CATSPERE: variants seen among roughly 807,000 people sequenced by gnomAD.
CATSPERE encodes cation channel sperm-associated auxiliary subunit epsilon.
CATSPERE carries 93 observed loss-of-function variants against 114.1 expected under a neutral mutation model. That is an observed-to-expected ratio of 0.81 (90% CI 0.69 to 0.97). The LOEUF (loss-of-function observed/expected upper bound fraction) is 0.97. Ranked by LOEUF, CATSPERE falls within the 50% of genes least tolerant of loss-of-function variation. CATSPERE has a pLI of 0.00. For missense variants in CATSPERE, 1,058 were observed against 1,131.6 expected (o/e 0.93, Z 0.93); for synonymous variants, 341 against 384.1 (o/e 0.89, Z 1.31).
chr1:244,499,357 A>G (rs374999044), intron 7 of CATSPERE, among the ~76,000 whole-genome samples: 5 of 152,076 alleles, frequency 3.3e-5, no homozygotes, highest in Admixed American at 6.5e-5. Flanking sequence ...CTAAGTTCAG[A>G]GATATATGTA....
intron 5 of CATSPERE, among the ~76,000 whole-genome samples, chr1:244,483,321 G>C (rs1464372135): frequency 2.0e-5 from 3 of 152,174 alleles, no homozygotes; most frequent in African/African-American, 7.2e-5. Context: ...GCATATAAAT[G>C]AAGGTTTCTC....
chr1:244,616,411 C>T (rs1671403945), intron 19 of CATSPERE, among the ~76,000 whole-genome samples: 1 of 152,130 alleles, frequency 6.6e-6, no homozygotes, highest in Admixed American at 6.5e-5. Context: ...TTTCTGAGTA[C>T]ATTTTGTGCT....
At chr1:244,574,819 T>C (rs989033621) in intron 11 of CATSPERE, among the ~76,000 whole-genome samples, 2 of 152,234 alleles carry the variant, frequency 1.3e-5, no homozygotes, top group Admixed American at 1.3e-4. Flanking sequence ...TTTAATAGTT[T>C]TATATTCAGG....
rs1304807819 is a variant in CATSPERE at position 244,640,062 on chromosome 1, GAA to G, written c.2840_2841del (p.Lys947ThrfsTer2). The stretch of plus-strand genomic sequence containing the variant: ...TATGAACCACTTCACAAACCTCAAA[GAA>G]AACGTAAGAAGAATTAGGAAAACTG... On this transcript the variant is annotated frameshift_variant, in exon 22 of 22. Coordinates refer to ENST00000366534, the MANE Select transcript of CATSPERE (RefSeq NM_001130957.2). LOFTEE classifies it high-confidence loss of function. 1 of 1,548,338 alleles carries G rather than the reference GAA, an allele frequency of 6.5e-7. No individual in the cohort carries two copies. The highest frequency in any genetic ancestry group is 1.2e-5 in the South Asian group (1 of 83,512).
At chr1:244,502,987 G>T (rs1442823018) in intron 7 of CATSPERE, among the ~76,000 whole-genome samples, 1 of 152,154 alleles carries the variant, frequency 6.6e-6, no homozygotes, top group Non-Finnish European at 1.5e-5. Context: ...GTGCAGAATA[G>T]GTTTCCACGG....
intron 8 of CATSPERE, among the ~76,000 whole-genome samples, chr1:244,520,717 C>T (rs907253065): frequency 9.9e-5 from 15 of 152,128 alleles, no homozygotes; most frequent in Admixed American, 9.2e-4. Flanking sequence ...CCGTACATAT[C>T]CCTAGGAAGG....
intron 10 of CATSPERE, among the ~76,000 whole-genome samples, chr1:244,564,904 T>G (rs146555857): frequency 0.014 from 2,129 of 152,296 alleles, 22 homozygotes; most frequent in Middle Eastern, 0.027. Flanking sequence ...TAGCTTTTAT[T>G]ATTTTGAGAC....
intron 20 of CATSPERE, among the ~76,000 whole-genome samples, chr1:244,632,420 A>G (rs1330667626): frequency 2.0e-5 from 3 of 151,666 alleles, no homozygotes; most frequent in African/African-American, 4.8e-5. Flanking sequence ...TGAAAAAGAA[A>G]AAGAAAAGAA....
At chr1:244,473,023 A>C (rs1668736258) in intron 2 of CATSPERE, among the ~76,000 whole-genome samples, 1 of 152,222 alleles carries the variant, frequency 6.6e-6, no homozygotes, top group South Asian at 2.1e-4. Flanking sequence ...CCATTCACCT[A>C]GTGAAAGATA....
At chr1:244,604,453 T>A (rs1669706120) in intron 17 of CATSPERE, among the ~76,000 whole-genome samples, 1 of 152,232 alleles carries the variant, frequency 6.6e-6, no homozygotes, top group Non-Finnish European at 1.5e-5. Context: ...GTAGCAGACC[T>A]AGAAGGCCAG....
chr1:244,553,600 A>AAACACACACAC (rs1553356088), intron 9 of CATSPERE, among the ~76,000 whole-genome samples: 1 of 32,578 alleles, frequency 3.1e-5, no homozygotes, highest in Non-Finnish European at 6.1e-5. Flanking sequence ...AAAAAAAAAA[A>AAACACACACAC]ATACACACAC....
rs1328617102 is a variant in CATSPERE at position 244,607,950 on chromosome 1, TA to T, written c.2403+2163del. On this transcript the variant is annotated intron_variant, in intron 18 of 21. Coordinates refer to ENST00000366534, the MANE Select transcript of CATSPERE (RefSeq NM_001130957.2). This position sits in a 1 kb window ranked among gnomAD's most constrained non-coding sequence, Gnocchi z 4.4. ...GGTGAAACCCCATATCTCCTAAAAA[TA>T]AAAAAATTAGCTGGGCATGCTGGCA... Among the ~76,000 whole-genome samples, 1 of 151,442 alleles carries T rather than the reference TA, an allele frequency of 6.6e-6. No homozygotes were observed. Among genetic ancestry groups the T allele is most frequent in the Non-Finnish European group, 1.5e-5 (1 of 67,878 alleles).
At chr1:244,552,872 C>CTTTTTA in intron 9 of CATSPERE, 58 bp downstream of exon 9, 1 of 912,646 alleles carries the variant, frequency 1.1e-6, no homozygotes, top group Non-Finnish European at 1.4e-6. Flanking sequence ...AAGGTATTTA[C>CTTTTTA]CATACCATTT....
At chr1:244,589,707 C>T (rs1667473569) in intron 14 of CATSPERE, among the ~76,000 whole-genome samples, 1 of 152,192 alleles carries the variant, frequency 6.6e-6, no homozygotes, top group African/African-American at 2.4e-5. Flanking sequence ...GTTCCCAGTA[C>T]CGCTGCATGC....
chr1:244,557,700 C>T (rs1661871578), intron 9 of CATSPERE, among the ~76,000 whole-genome samples: 1 of 149,536 alleles, frequency 6.7e-6, no homozygotes, highest in Non-Finnish European at 1.5e-5. Context: ...TCTTGGATTT[C>T]TGGGTTTATG....
chr1:244,519,470 G>C (rs927667749), intron 8 of CATSPERE, among the ~76,000 whole-genome samples: 1 of 152,216 alleles, frequency 6.6e-6, no homozygotes, highest in African/African-American at 2.4e-5. Flanking sequence ...GGCCACTGCT[G>C]TGTGGAGTGT....
Position 244,461,407 on chromosome 1 carries a change from TG to T in CATSPERE, c.-20del. The stretch of plus-strand genomic sequence containing the variant: ...CCTGGACGGGAGTGGCCGAGGCGGT[TG>T]GGCGGAGGCGGAGCAGGCGCCATGT... On this transcript the variant is annotated 5_prime_UTR_variant, in exon 1 of 22. Coordinates refer to ENST00000366534, the MANE Select transcript of CATSPERE (RefSeq NM_001130957.2). 1 of 1,356,366 alleles carries T rather than the reference TG, an allele frequency of 7.4e-7. No individual in the cohort carries two copies. Among genetic ancestry groups the T allele is most frequent in the Non-Finnish European group, 9.6e-7 (1 of 1,045,690 alleles). The allele number at this position is 1,356,366 out of a possible 1,614,324, so 84.0% of individuals were successfully genotyped here.
intron 14 of CATSPERE, among the ~76,000 whole-genome samples, chr1:244,589,488 A>C (rs963877870): frequency 6.6e-6 from 1 of 152,168 alleles, no homozygotes; most frequent in African/African-American, 2.4e-5. Context: ...AGCCGGTATC[A>C]TCCTATTTCA....
intron 7 of CATSPERE, among the ~76,000 whole-genome samples, chr1:244,506,417 G>A (rs566990863): frequency 1.3e-5 from 2 of 152,236 alleles, no homozygotes; most frequent in South Asian, 4.2e-4. Flanking sequence ...ACCCAGAAAT[G>A]GAACTGCTAG....
Sources: gnomAD v4.1 joint callset for allele counts (sites outside exome capture counted in the v4.1 genomes callset) on GRCh38, gnomAD v4.1.1 for gene constraint, Gnocchi (gnomAD v3.1) non-coding constraint, MANE v1.5 for transcripts, NCBI Gene and HGNC (gene_info 2026-07-23, HGNC 2026-07-21) for gene names.